Variants in FAF1 observed in about 807,000 individuals in gnomAD.
FAF1 encodes the protein FAS-associated factor 1.
FAF1 carries 25 observed loss-of-function variants against 92.5 expected under a neutral mutation model. The observed-to-expected ratio is 0.27, with a 90% CI of 0.20 to 0.38. The LOEUF is 0.38. Ranked by LOEUF, FAF1 falls within the 10% of genes least tolerant of loss-of-function variation. The pLI is 1.00. For synonymous variants in FAF1, 234 were observed against 273.2 expected, an observed-to-expected ratio of 0.86 and a Z score of 1.42; for missense variants, 636 against 793.3, an observed-to-expected ratio of 0.80 and a Z score of 2.38.
chr1:50,785,726 A>G (rs1479607472), intron 4 of FAF1, among the ~76,000 whole-genome samples: 4 of 152,202 alleles, frequency 2.6e-5, no homozygotes, highest in African/African-American at 9.6e-5. Flanking sequence ...TATAGGAAAC[A>G]GTATGGAAGT....
chr1:50,557,880 A>G (rs1649664408), intron 13 of FAF1, among the ~76,000 whole-genome samples: 1 of 151,904 alleles, frequency 6.6e-6, no homozygotes, highest in South Asian at 2.1e-4. Flanking sequence ...GCATATATAT[A>G]TTTAAGATAT....
chr1:50,837,903 C>CTGTATTTTTTGTATTTT, intron 2 of FAF1, among the ~76,000 whole-genome samples: 1 of 152,050 alleles, frequency 6.6e-6, no homozygotes, highest in South Asian at 2.1e-4. Flanking sequence ...GACACCATGC[C>CTGTATTTTTTGTATTTT]CAGCTAATTT....
chr1:50,760,545 G>A (rs1660282320), intron 4 of FAF1, among the ~76,000 whole-genome samples: 1 of 152,236 alleles, frequency 6.6e-6, no homozygotes, highest in South Asian at 2.1e-4. Flanking sequence ...ATTTAAAACT[G>A]CTCAACTACA....
At chr1:50,911,042 C>G (rs1644881722) in intron 1 of FAF1, among the ~76,000 whole-genome samples, 1 of 151,896 alleles carries the variant, frequency 6.6e-6, no homozygotes, top group Non-Finnish European at 1.5e-5. Flanking sequence ...CCTAAGGTAA[C>G]CACTATCCGG....
At chr1:50,526,257 G>T (rs1178569971) in intron 15 of FAF1, among the ~76,000 whole-genome samples, 1 of 151,672 alleles carries the variant, frequency 6.6e-6, no homozygotes, top group African/African-American at 2.4e-5. Context: ...GCCTGCTCAT[G>T]GTGGCATGAG....
rs1199604664 is a variant in FAF1, at chr1:50,706,257, C to T, written c.552-366G>A. On this transcript the variant is annotated intron_variant, in intron 6 of 18. Coordinates refer to ENST00000396153, the MANE Select transcript of FAF1 (RefSeq NM_007051.3). ...AAATGTATATTCAAAGACTCTGGTT[C>T]AATTCCAAGTGAAACAGCTGTTCTA... Among the ~76,000 whole-genome samples, 4 of 152,226 alleles carry T rather than the reference C, an allele frequency of 2.6e-5. No individual in the cohort carries two copies. The East Asian group carries it at 7.7e-4, about 29-fold the overall frequency.
At chr1:50,850,980 G>C (rs1447666399) in intron 2 of FAF1, among the ~76,000 whole-genome samples, 1 of 151,662 alleles carries the variant, frequency 6.6e-6, no homozygotes, top group Non-Finnish European at 1.5e-5. Flanking sequence ...TCCAGTAATA[G>C]AAATTAAATC....
chr1:50,820,894 C>A (rs1004812473), intron 2 of FAF1, among the ~76,000 whole-genome samples: 1 of 152,042 alleles, frequency 6.6e-6, no homozygotes, highest in Non-Finnish European at 1.5e-5. Flanking sequence ...TTTATCCATT[C>A]ATTCATTGAT....
chr1:50,505,377 T>C (rs1190683004), intron 15 of FAF1, among the ~76,000 whole-genome samples: 2 of 152,142 alleles, frequency 1.3e-5, no homozygotes, highest in African/African-American at 4.8e-5. Context: ...CTCTCCAAAA[T>C]GGCAGCCTTG....
rs767870772 is a variant in FAF1 at position 50,655,532 on chromosome 1, T to C, written c.658-4A>G. 8.9e-6 allele frequency: 14 copies of C among 1,576,380 alleles called. No homozygotes were observed. In the South Asian group the frequency reaches 1.5e-4, roughly 16 times the overall value. ...GGTCATACACATTTCTCTTTACCTA[T>C]GAAAAGAAAGAAACAGGACAATTAA... On this transcript the variant is annotated splice_region_variant and splice_polypyrimidine_tract_variant and intron_variant, in intron 7 of 18. Transcript: ENST00000396153.
intron 8 of FAF1, among the ~76,000 whole-genome samples, chr1:50,640,791 TTTTCTC>T (rs1654288748): frequency 6.6e-6 from 1 of 151,924 alleles, no homozygotes; most frequent in South Asian, 2.1e-4. Context: ...TCTAGTCTCT[TTTTCTC>T]TTGATCAGTC....
chr1:50,621,649 C>T (rs914134061), intron 8 of FAF1, among the ~76,000 whole-genome samples: 8 of 151,868 alleles, frequency 5.3e-5, no homozygotes, highest in Admixed American at 3.3e-4. Context: ...ATCCACCCAC[C>T]TCGGCCTCCC....
At chr1:50,924,807 A>G (rs957584400) in intron 1 of FAF1, among the ~76,000 whole-genome samples, 1 of 152,130 alleles carries the variant, frequency 6.6e-6, no homozygotes, top group African/African-American at 2.4e-5. Flanking sequence ...ACATGATGAA[A>G]CCCTGTCTCT....
intron 1 of FAF1, among the ~76,000 whole-genome samples, chr1:50,912,597 C>A (rs548280837): frequency 6.6e-6 from 1 of 152,276 alleles, no homozygotes. Flanking sequence ...TTATCACAAC[C>A]TACACAGATG....
intron 1 of FAF1, among the ~76,000 whole-genome samples, chr1:50,949,982 A>G (rs1645201631): frequency 6.6e-6 from 1 of 151,876 alleles, no homozygotes; most frequent in Admixed American, 6.6e-5. Flanking sequence ...ACATGCTATC[A>G]CACCCAGCTA....
At chr1:50,624,858 T>C (rs1653417629) in intron 8 of FAF1, among the ~76,000 whole-genome samples, 1 of 151,858 alleles carries the variant, frequency 6.6e-6, no homozygotes, top group Non-Finnish European at 1.5e-5. Context: ...TGAAATCAGG[T>C]TTAACTCTCC....
At chr1:50,474,120 T>G (rs894745050) in intron 18 of FAF1, among the ~76,000 whole-genome samples, 2 of 152,252 alleles carry the variant, frequency 1.3e-5, no homozygotes, top group African/African-American at 2.4e-5. Flanking sequence ...TAGAAAATGC[T>G]TTGTTACACT....
At chr1:50,582,825 A>C in intron 11 of FAF1, 126 bp from the exon 12 acceptor site, 1 of 620,380 alleles carries the variant, frequency 1.6e-6, no homozygotes. Context: ...ACATAAAAAC[A>C]TTTCTTTAAA....
chr1:50,621,292 A>C (rs953539226), intron 8 of FAF1, among the ~76,000 whole-genome samples: 2 of 151,754 alleles, frequency 1.3e-5, no homozygotes, highest in Non-Finnish European at 2.9e-5. Context: ...CGCTCCTGCA[A>C]GGCAGCTAGG....
Sources: allele counts gnomAD v4.1 joint callset (sites outside exome capture counted in the v4.1 genomes callset), GRCh38; gene constraint gnomAD v4.1.1; transcripts MANE v1.5; gene names NCBI Gene and HGNC (gene_info 2026-07-23, HGNC 2026-07-21).